Variants in MMP24 observed in about 807,000 individuals in gnomAD.
The protein encoded by MMP24 is matrix metallopeptidase 24.
A neutral mutation model predicts 62.8 loss-of-function variants in MMP24; 25 were observed. The ratio of observed to expected loss-of-function variants is 0.40; its 90% CI spans 0.29 to 0.56. The LOEUF (loss-of-function observed/expected upper bound fraction) is 0.56. Among genes scored for constraint, MMP24 ranks in the 20% least tolerant of loss-of-function variants. MMP24 has a pLI of 0.50. For synonymous variants in MMP24, 319 were observed against 350.5 expected (o/e 0.91, Z 1.00); for missense variants, 634 against 853.6 (o/e 0.74, Z 3.21).
intron 1 of MMP24, among the ~76,000 whole-genome samples, chr20:35,238,258 G>A (rs1449879647): frequency 1.3e-5 from 2 of 152,208 alleles, no homozygotes; most frequent in Non-Finnish European, 2.9e-5. Context: ...TTTCGTCATG[G>A]TTATGGCAGG....
At position 35,274,533 on chromosome 20, in the gene MMP24, C is replaced by T. The variant is rs1480294425; in HGVS notation, c.1862C>T (p.Thr621Ile). Residue 621 changes from threonine (T) to isoleucine (I), a missense_variant, in exon 9 of 9, where the codon ACC (threonine) becomes ATC (isoleucine). Physicochemically the swap from Thr to Ile is moderately conservative, Grantham distance 89 (BLOSUM62 -1). This residue lies in a region of MMP24 where 399 missense variants were observed against 530.8 expected (regional missense o/e 0.75). Transcript: ENST00000246186. This position sits in a 1 kb window ranked among gnomAD's most constrained non-coding sequence, Gnocchi z 5.1. ...CTCTGCATCCTGGTGCTGGTCTACA[C>T]CATCTTCCAGTTCAAGAACAAGACA... is the stretch of plus-strand genomic sequence containing the variant. ...LSLCILVLVYTIFQFKNKTGP... is the reference protein window; with the variant it reads ...LSLCILVLVYIIFQFKNKTGP... 2 of 1,614,066 alleles carry T rather than the reference C, an allele frequency of 1.2e-6. No homozygotes were observed.
At chr20:35,227,231 G>C (rs1368342406) in intron 1 of MMP24, among the ~76,000 whole-genome samples, 2 of 151,886 alleles carry the variant, frequency 1.3e-5, no homozygotes, top group African/African-American at 4.8e-5. Flanking sequence ...CGGGGGCCGA[G>C]CACGAGGGTC....
chr20:35,271,640 A>G lies in MMP24; in HGVS notation c.1405A>G (p.Ser469Gly). Residue 469 changes from serine (S) to glycine (G), a missense_variant, in exon 8 of 9, where the codon AGC becomes GGC. By Grantham distance (56) the Ser-to-Gly change is moderately conservative (BLOSUM62 0). This residue lies in a region of MMP24 where 399 missense variants were observed against 530.8 expected (regional missense o/e 0.75). Coordinates refer to ENST00000246186, the MANE Select transcript of MMP24 (RefSeq NM_006690.4). This position sits in a 1 kb window ranked among gnomAD's most constrained non-coding sequence, Gnocchi z 4.0. ...CCCCCACAGCCTGGGGGAGCTGGGC[A>G]GCTGTTTGCCCCGTGAAGGCATTGA... ...GYPHSLGELG[S>G]CLPREGIDTA... 6.2e-7 allele frequency: 1 copy of G among 1,611,396 alleles called. No individual in the cohort carries two copies. The highest frequency in any genetic ancestry group is 8.5e-7 in the Non-Finnish European group (1 of 1,178,878).
chr20:35,258,461 G>A (rs546976010), intron 4 of MMP24, among the ~76,000 whole-genome samples: 2 of 152,148 alleles, frequency 1.3e-5, no homozygotes, highest in East Asian at 1.9e-4. Flanking sequence ...AAACACCCCC[G>A]TCCTACACAC....
intron 4 of MMP24, among the ~76,000 whole-genome samples, chr20:35,258,961 A>G (rs1374223655): frequency 6.6e-6 from 1 of 152,090 alleles, no homozygotes; most frequent in Admixed American, 6.6e-5. Context: ...GGGGCAGATC[A>G]CCTGAGGTCA....
chr20:35,245,089 T>C (rs1477628801), intron 1 of MMP24, among the ~76,000 whole-genome samples: 1 of 152,192 alleles, frequency 6.6e-6, no homozygotes, highest in Non-Finnish European at 1.5e-5. Context: ...TACAGTGGCA[T>C]GATCATGTCT....
rs71350371 is a variant in MMP24 at position 35,246,962 on chromosome 20, C to T, written c.369C>T (p.Thr123=). ...AGCAGTTTTACGGGATCCCGGTCAC[C>T]GGTGTGTTGGATCAGACAACGATCG... ...TMQQFYGIPV[T]GVLDQTTIEW... Residue 123 remains threonine (T), a synonymous_variant, in exon 2 of 9, where the codon ACC becomes ACT. Transcript: ENST00000246186. The T allele has an allele frequency of 6.2e-6, 10 of 1,613,932 alleles. No individual in the cohort carries two copies. The highest frequency in any genetic ancestry group is 5.0e-5 in the Admixed American group (3 of 60,004).
chr20:35,237,798 C>T (rs2060470794), intron 1 of MMP24, among the ~76,000 whole-genome samples: 1 of 152,174 alleles, frequency 6.6e-6, no homozygotes, highest in South Asian at 2.1e-4. Context: ...GATAGGACCC[C>T]ATTCAGCTCC....
At chr20:35,231,488 T>G (rs1159362461) in intron 1 of MMP24, among the ~76,000 whole-genome samples, 2 of 152,234 alleles carry the variant, frequency 1.3e-5, no homozygotes, top group African/African-American at 4.8e-5. Flanking sequence ...AAGTTTTCCC[T>G]TTTACATAAG....
chr20:35,271,935 G>A lies in MMP24; in HGVS notation c.1600+100G>A. On this transcript the variant is annotated intron_variant, in intron 8 of 8. Transcript: ENST00000246186. This position sits in a 1 kb window ranked among gnomAD's most constrained non-coding sequence, Gnocchi z 4.0. ...TCAGTGCCCATGGGCGTCCAGGTTT[G>A]AAAAAACACCTGGTGGCAGACAACT... 3 of 1,323,296 alleles carry A rather than the reference G, an allele frequency of 2.3e-6. No individual in the cohort carries two copies. The highest frequency in any genetic ancestry group is 3.0e-6 in the Non-Finnish European group (3 of 992,396). 82.0% of individuals were successfully genotyped at this position (1,323,296 alleles called of 1,614,324 possible). A position where few individuals can be genotyped will look rare whatever the true frequency, so the allele number is the denominator to read the frequency against.
In MMP24 at chr20:35,226,971, CCTTCG is replaced by C; in HGVS notation, c.235_239del (p.Phe79ArgfsTer15). 1.1e-5 allele frequency: 11 copies of C among 980,070 alleles called. No individual in the cohort carries two copies. Among genetic ancestry groups the C allele is most frequent in the Non-Finnish European group, 1.3e-5 (11 of 827,852 alleles). The allele number at this position is 980,070 out of a possible 1,614,324, so 60.7% of individuals were successfully genotyped here. A position where few individuals can be genotyped will look rare whatever the true frequency, so the allele number is the denominator to read the frequency against. ...GCGCGGGCGGACGAGGCGGAGGCGC[CCTTCG>C]CCGGGCAGGTGGGGCTGGCGCGCGG... On this transcript the variant is annotated frameshift_variant, in exon 1 of 9. Transcript: ENST00000246186. LOFTEE classifies it high-confidence loss of function.
intron 2 of MMP24, among the ~76,000 whole-genome samples, 159 bp downstream of exon 2, chr20:35,247,147 T>C (rs1344655654): frequency 6.6e-6 from 1 of 152,078 alleles, no homozygotes; most frequent in African/African-American, 2.4e-5. Context: ...GAGTTGGGGG[T>C]GTGCTGGGAT....
intron 1 of MMP24, among the ~76,000 whole-genome samples, chr20:35,232,597 G>A (rs1331204263): frequency 6.6e-6 from 1 of 152,184 alleles, no homozygotes; most frequent in Non-Finnish European, 1.5e-5. Context: ...ATGAACCTTT[G>A]AGGGAGGAGA....
In MMP24 at chr20:35,267,363, T is replaced by C; in HGVS notation, c.1138T>C (p.Cys380Arg). ...PSTPGTKPNI[C>R]DGNFNTVALF... The stretch of plus-strand genomic sequence containing the variant: ...CACACCAGGCACCAAACCCAACATC[T>C]GTGACGGCAACTTCAACACAGTGGC... The change falls in exon 6 of 9, where the codon TGT (cysteine) becomes CGT (arginine). Residue 380 changes from cysteine (C) to arginine (R), a missense_variant. Coordinates refer to ENST00000246186, the MANE Select transcript of MMP24 (RefSeq NM_006690.4). The C allele has an allele frequency of 6.3e-7, 1 of 1,578,602 alleles. No homozygotes were observed. The highest frequency in any genetic ancestry group is 8.6e-7 in the Non-Finnish European group (1 of 1,162,620).
At chr20:35,272,256 G>C (rs1437349671) in intron 8 of MMP24, 2 of 427,662 alleles carry the variant, frequency 4.7e-6, no homozygotes, top group South Asian at 1.6e-4. Context: ...AATTCTAAGA[G>C]ATAAGGTCTC....
In MMP24 at chr20:35,276,121, C is replaced by T. The variant is rs1441597572; in HGVS notation, c.*1512C>T. On this transcript the variant is annotated 3_prime_UTR_variant, in exon 9 of 9. Transcript: ENST00000246186. The stretch of plus-strand genomic sequence containing the variant: ...ACTGAGCCTGCATGGGCCTTGCCCC[C>T]GACCCTGTGGTCTCTGGGATTGGGG... 13 of 398,598 alleles carry T rather than the reference C, an allele frequency of 3.3e-5. No homozygotes were observed. Among genetic ancestry groups the T allele is most frequent in the Non-Finnish European group, 4.4e-5 (10 of 226,128 alleles). The allele number at this position is 398,598 out of a possible 1,614,324, so 24.7% of individuals were successfully genotyped here. A position where few individuals can be genotyped will look rare whatever the true frequency, so the allele number is the denominator to read the frequency against.
chr20:35,254,441 T>A lies in MMP24; in HGVS notation c.513-9T>A. On this transcript the variant is annotated splice_polypyrimidine_tract_variant and intron_variant, in intron 3 of 8. Coordinates refer to ENST00000246186, the MANE Select transcript of MMP24 (RefSeq NM_006690.4). Reference sequence around the variant, plus strand: ...GATCTTGCCTAATGATCCTCCCCTCTCTCACCAGCATTCACAACTATACCC... The same window carrying A: ...GATCTTGCCTAATGATCCTCCCCTCACTCACCAGCATTCACAACTATACCC... 1 of 1,608,422 alleles carries A rather than the reference T, an allele frequency of 6.2e-7. No individual in the cohort carries two copies. The highest frequency in any genetic ancestry group is 8.5e-7 in the Non-Finnish European group (1 of 1,175,872).
At position 35,274,602 on chromosome 20, in the gene MMP24, G is replaced by A. The variant is rs1451266954; in HGVS notation, c.1931G>A (p.Trp644Ter). 4.4e-6 allele frequency: 7 copies of A among 1,608,666 alleles called. No individual in the cohort carries two copies. Among genetic ancestry groups the A allele is most frequent in the African/African-American group, 1.3e-5 (1 of 74,828 alleles). The part of the protein sequence containing the change: ...VTYYKRPVQE[W>*]V The stretch of plus-strand genomic sequence containing the variant: ...TACTATAAGCGGCCAGTCCAGGAAT[G>A]GGTGTGAGCAGCCCAGAGCCCTCTC... The change falls in exon 9 of 9, where the codon TGG becomes TAG. Residue 644 changes from tryptophan to a stop codon, truncating the protein, a stop_gained. Coordinates refer to ENST00000246186, the MANE Select transcript of MMP24 (RefSeq NM_006690.4). LOFTEE classifies it high-confidence loss of function. The surrounding 1 kb of genome is among the most constrained non-coding windows in gnomAD (Gnocchi z 5.1).
Position 35,274,400 on chromosome 20 carries a change from C to T in MMP24, c.1729C>T (p.Arg577Trp), listed in dbSNP as rs748927548. Residue 577 changes from arginine to tryptophan, a missense_variant, in exon 9 of 9, where the codon CGG becomes TGG. By Grantham distance (101) the Arg-to-Trp change is moderately radical (BLOSUM62 -3). Coordinates refer to ENST00000246186, the MANE Select transcript of MMP24 (RefSeq NM_006690.4). This position sits in a 1 kb window ranked among gnomAD's most constrained non-coding sequence, Gnocchi z 5.1. ...CTGCAACCAGAAGGAGGTGGAGCGG[C>T]GGAAGGAGCGGCGGCTGCCCCAGGA... ...MGCNQKEVERRKERRLPQDDV... is the reference protein window; with the variant it reads ...MGCNQKEVERWKERRLPQDDV... 3.7e-6 allele frequency: 6 copies of T among 1,613,914 alleles called. No homozygotes were observed. The highest frequency in any genetic ancestry group is 1.7e-5 in the Admixed American group (1 of 60,026).
Sources: allele counts gnomAD v4.1 joint callset (sites outside exome capture counted in the v4.1 genomes callset), GRCh38; gene constraint gnomAD v4.1.1; regional missense constraint gnomAD v4.1.1; non-coding constraint Gnocchi (gnomAD v3.1); transcripts MANE v1.5; gene names NCBI Gene and HGNC (gene_info 2026-07-23, HGNC 2026-07-21).